Variants in APPL2 observed in about 807,000 individuals in gnomAD.
The protein encoded by APPL2 is adaptor protein, phosphotyrosine interacting with PH domain and leucine zipper 2.
In APPL2, 84 loss-of-function variants were observed where a neutral mutation model predicts 92.7. The observed-to-expected ratio is 0.91, with a 90% CI of 0.76 to 1.09. The LOEUF (loss-of-function observed/expected upper bound fraction) is 1.09. Among genes scored for constraint, APPL2 ranks in the 50% least tolerant of loss-of-function variants. The pLI is 0.00. For missense variants in APPL2, 736 were observed against 824.5 expected (o/e 0.89, Z 1.31); for synonymous variants, 291 against 291.0 (o/e 1.00, Z 0.00).
intron 6 of APPL2, 56 bp from the exon 7 acceptor site, chr12:105,208,085 C>T: frequency 6.2e-7 from 1 of 1,613,366 alleles, no homozygotes; most frequent in South Asian, 1.1e-5. Flanking sequence ...AAGGGAAGAA[C>T]ATTCATTGGG....
chr12:105,180,038 C>G (rs972490801), intron 17 of APPL2, among the ~76,000 whole-genome samples: 5 of 152,182 alleles, frequency 3.3e-5, no homozygotes, highest in African/African-American at 1.2e-4. Flanking sequence ...TCATCATGAA[C>G]TCTTTGCCCA....
rs141463979 is a variant in APPL2 at position 105,204,888 on chromosome 12, G to A, written c.622-1103C>T. 5.6e-4 allele frequency among the ~76,000 whole-genome samples: 85 copies of A among 152,266 alleles called. No homozygotes were observed. In the East Asian group the frequency reaches 0.012, roughly 21 times the overall value. On this transcript the variant is annotated intron_variant, in intron 8 of 20. Coordinates refer to ENST00000258530, the MANE Select transcript of APPL2 (RefSeq NM_018171.5). ...CTACAGCCGCATCACAGCCTGTCCC[G>A]TCAATGTAACACTGGAGGTCACTGT...
chr12:105,184,367 C>G (rs1213000116), intron 17 of APPL2, among the ~76,000 whole-genome samples: 2 of 152,214 alleles, frequency 1.3e-5, no homozygotes, highest in Non-Finnish European at 2.9e-5. Context: ...TTCAGCCTTT[C>G]TGTGCTGCTT....
intron 17 of APPL2, among the ~76,000 whole-genome samples, chr12:105,185,615 C>CG (rs1473506597): frequency 1.4e-4 from 21 of 151,890 alleles, no homozygotes; most frequent in Non-Finnish European, 2.9e-4. Context: ...AGCTGGGTAC[C>CG]GCAGTTGGAA....
chr12:105,205,323 C>T (rs541302840), intron 8 of APPL2, among the ~76,000 whole-genome samples: 1 of 152,196 alleles, frequency 6.6e-6, no homozygotes, highest in East Asian at 1.9e-4. Flanking sequence ...AATCTGGATA[C>T]GAAAAATGAA....
chr12:105,188,048 CA>C (rs1282060849), intron 17 of APPL2, among the ~76,000 whole-genome samples: 1 of 151,834 alleles, frequency 6.6e-6, no homozygotes, highest in Non-Finnish European at 1.5e-5. Flanking sequence ...AGTGTGATGG[CA>C]TCTTTGTGAA....
intron 2 of APPL2, among the ~76,000 whole-genome samples, chr12:105,220,934 C>T (rs1486731485): frequency 1.3e-5 from 2 of 152,204 alleles, no homozygotes; most frequent in Non-Finnish European, 2.9e-5. Context: ...TGCGTGTTTT[C>T]CTATGTGTAA....
At chr12:105,183,270 T>C (rs1196855) in intron 17 of APPL2, among the ~76,000 whole-genome samples, 77,825 of 151,840 alleles carry the variant, frequency 0.51, 20,155 homozygotes, top group Middle Eastern at 0.68. Flanking sequence ...AAGGTTAATA[T>C]TGTTATGTGT....
intron 17 of APPL2, among the ~76,000 whole-genome samples, chr12:105,182,341 T>C (rs201904163): frequency 6.6e-6 from 1 of 152,264 alleles, no homozygotes; most frequent in East Asian, 1.9e-4. Context: ...CTAGTTCTTT[T>C]AATTGTGATG....
chr12:105,213,670 C>A (rs1249763048), intron 4 of APPL2, among the ~76,000 whole-genome samples: 1 of 152,204 alleles, frequency 6.6e-6, no homozygotes, highest in Non-Finnish European at 1.5e-5. Flanking sequence ...TAAATTTCTA[C>A]TTTTTGTTGA....
At chr12:105,210,503 T>C (rs879320222) in intron 5 of APPL2, among the ~76,000 whole-genome samples, 4 of 152,174 alleles carry the variant, frequency 2.6e-5, no homozygotes, top group South Asian at 2.1e-4. Flanking sequence ...GACTAGAAAA[T>C]GTGGAGTCCC....
At chr12:105,229,013 A>G in intron 2 of APPL2, 112 bp downstream of exon 2, 1 of 942,362 alleles carries the variant, frequency 1.1e-6, no homozygotes, top group Non-Finnish European at 1.6e-6. Context: ...ATTTTGTTTC[A>G]AAATCTTAAA....
intron 17 of APPL2, among the ~76,000 whole-genome samples, chr12:105,186,692 C>G (rs1280612329): frequency 0.019 from 1,025 of 54,066 alleles, 9 homozygotes; most frequent in Non-Finnish European, 0.025. Context: ...ATATATATAT[C>G]ATATATCATA....
intron 2 of APPL2, among the ~76,000 whole-genome samples, chr12:105,223,990 C>T (rs974016144): frequency 8.5e-5 from 13 of 152,194 alleles, no homozygotes; most frequent in Middle Eastern, 3.2e-3. Flanking sequence ...AAGACTGGAA[C>T]TCAGATCTGT....
At chr12:105,178,605 G>GT (rs1421075846) in intron 17 of APPL2, among the ~76,000 whole-genome samples, 6 of 152,142 alleles carry the variant, frequency 3.9e-5, no homozygotes, top group Admixed American at 6.5e-5. Context: ...TTATTAAACC[G>GT]TAAGACTTAT....
chr12:105,227,361 C>T (rs964935573), intron 2 of APPL2, among the ~76,000 whole-genome samples: 4 of 152,150 alleles, frequency 2.6e-5, no homozygotes, highest in Non-Finnish European at 5.9e-5. Flanking sequence ...CAGCCCTGTA[C>T]TCTGGATCTG....
intron 17 of APPL2, 69 bp downstream of exon 17, chr12:105,188,204 G>A: frequency 1.3e-6 from 2 of 1,518,182 alleles, no homozygotes; most frequent in Non-Finnish European, 1.8e-6. Flanking sequence ...CATTTCAGAT[G>A]GGTGCATTAG....
chr12:105,232,603 A>G (rs1891003797), intron 1 of APPL2, among the ~76,000 whole-genome samples: 1 of 152,078 alleles, frequency 6.6e-6, no homozygotes, highest in Non-Finnish European at 1.5e-5. Context: ...TGTCTCTACA[A>G]AAATTAAAAA....
intron 14 of APPL2, among the ~76,000 whole-genome samples, chr12:105,192,785 G>A (rs766355131): frequency 3.3e-5 from 5 of 152,068 alleles, no homozygotes; most frequent in African/African-American, 4.8e-5. Flanking sequence ...TAATCCCTGC[G>A]TTTTCTTACC....
Sources: gnomAD v4.1 joint callset for allele counts (sites outside exome capture counted in the v4.1 genomes callset) on GRCh38, gnomAD v4.1.1 for gene constraint, MANE v1.5 for transcripts, NCBI Gene and HGNC (gene_info 2026-07-23, HGNC 2026-07-21) for gene names.